CCDC88A: variants seen among roughly 807,000 people sequenced by gnomAD.
CCDC88A encodes the protein girdin.
A neutral mutation model predicts 234.3 loss-of-function variants in CCDC88A; 54 were observed. The ratio of observed to expected loss-of-function variants is 0.23; its 90% CI spans 0.19 to 0.29. The LOEUF is 0.29. Among genes scored for constraint, CCDC88A ranks in the 10% least tolerant of loss-of-function variants. CCDC88A has a pLI of 1.00. For synonymous variants in CCDC88A, 753 were observed against 737.8 expected (o/e 1.02, Z -0.33); for missense variants, 1,832 against 2,123.4 (o/e 0.86, Z 2.70).
At chr2:55,379,871 C>A (rs1476133166) in intron 3 of CCDC88A, among the ~76,000 whole-genome samples, 1 of 151,682 alleles carries the variant, frequency 6.6e-6, no homozygotes, top group African/African-American at 2.4e-5. Flanking sequence ...CAAGATTGTG[C>A]CATCGCACTC....
Position 55,334,330 on chromosome 2 carries a change from T to G in CCDC88A, c.2491A>C (p.Lys831Gln). The G allele has an allele frequency of 2.0e-6, 3 of 1,513,956 alleles. No homozygotes were observed. The highest frequency in any genetic ancestry group is 2.6e-6 in the Non-Finnish European group (3 of 1,138,766). 93.8% of individuals were successfully genotyped at this position (1,513,956 alleles called of 1,614,324 possible). A position where few individuals can be genotyped will look rare whatever the true frequency, so the allele number is the denominator to read the frequency against. The change falls in exon 15 of 33, where the codon AAG becomes CAG. Residue 831 changes from lysine (K) to glutamine (Q), a missense_variant. By Grantham distance (53) the Lys-to-Gln change is moderately conservative. Coordinates refer to ENST00000436346, the MANE Select transcript of CCDC88A (RefSeq NM_001365480.1). The surrounding 1 kb of genome is among the most constrained non-coding windows in gnomAD (Gnocchi z 6.1). Reference sequence around the variant, plus strand: ...TTATTTTCCTTCTCCAATTGTTTCTTATCCTTTTCCAGTTGAGAAGTCTCT... The same window carrying G: ...TTATTTTCCTTCTCCAATTGTTTCTGATCCTTTTCCAGTTGAGAAGTCTCT... The part of the protein sequence containing the change: ...EQETSQLEKD[K>Q]KQLEKENKRL...
chr2:55,315,114 T>G (rs905776735), intron 22 of CCDC88A: 3 of 152,362 alleles, frequency 2.0e-5, no homozygotes, highest in South Asian at 4.1e-4. Context: ...TTGACTGGTT[T>G]ACTGGTCTGT....
chr2:55,298,921 C>T (rs2917775), intron 29 of CCDC88A, among the ~76,000 whole-genome samples: 122,074 of 150,326 alleles, frequency 0.81, 52,148 homozygotes, highest in East Asian at 0.97. Flanking sequence ...CCCTCCAGGC[C>T]GGGCAAGGTG....
chr2:55,376,268 A>C (rs758439109), intron 3 of CCDC88A, among the ~76,000 whole-genome samples: 4 of 152,216 alleles, frequency 2.6e-5, no homozygotes, highest in Non-Finnish European at 5.9e-5. Flanking sequence ...ATATTAAGGA[A>C]TAACTATGAC....
intron 9 of CCDC88A, among the ~76,000 whole-genome samples, chr2:55,347,792 A>G (rs1370822323): frequency 2.0e-5 from 3 of 151,486 alleles, no homozygotes; most frequent in East Asian, 2.0e-4. Context: ...TTGTATTTTC[A>G]GTAGAGACAG....
chr2:55,317,357 G>A lies in CCDC88A; in HGVS notation c.3603-8C>T, dbSNP rs747615363. 2.1e-6 allele frequency: 3 copies of A among 1,453,756 alleles called. No homozygotes were observed. Among genetic ancestry groups the A allele is most frequent in the Admixed American group, 4.7e-5 (2 of 42,186 alleles). 90.1% of individuals were successfully genotyped at this position (1,453,756 alleles called of 1,614,324 possible). ...TTTAATAACTGATTGTAACTGGGGG[G>A]AAAAAAGGCATTTGGTTTATAATAT... On this transcript the variant is annotated splice_polypyrimidine_tract_variant and splice_region_variant and intron_variant, in intron 20 of 32. Coordinates refer to ENST00000436346, the MANE Select transcript of CCDC88A (RefSeq NM_001365480.1). This position sits in a 1 kb window ranked among gnomAD's most constrained non-coding sequence, Gnocchi z 4.2.
rs1679900085 is a variant in CCDC88A at position 55,295,306 on chromosome 2, C to T, written c.5551+291G>A. The stretch of plus-strand genomic sequence containing the variant: ...CTGATAACTGGCCTAGGAGGTAACC[C>T]ACTTATGTTACTAACTAATTCTGTA... On this transcript the variant is annotated intron_variant, in intron 31 of 32. Transcript: ENST00000436346. The T allele has an allele frequency of 3.5e-6, 5 of 1,447,384 alleles. No homozygotes were observed. The East Asian group carries it at 1.3e-4, about 38-fold the overall frequency. 89.7% of individuals were successfully genotyped at this position (1,447,384 alleles called of 1,614,324 possible). A position where few individuals can be genotyped will look rare whatever the true frequency, so the allele number is the denominator to read the frequency against.
intron 2 of CCDC88A, chr2:55,399,782 T>A (rs1678298153): frequency 6.6e-6 from 1 of 152,194 alleles, no homozygotes; most frequent in African/African-American, 2.4e-5. Flanking sequence ...TAGAATTCGA[T>A]GTCAGGAATT....
intron 16 of CCDC88A, chr2:55,331,817 T>A (rs1157494745): frequency 6.6e-6 from 1 of 152,210 alleles, no homozygotes; most frequent in Non-Finnish European, 1.5e-5. Flanking sequence ...TATACCTCAG[T>A]TGCTTTTCTT....
At chr2:55,414,199 T>C (rs187458196) in intron 2 of CCDC88A, among the ~76,000 whole-genome samples, 5 of 152,328 alleles carry the variant, frequency 3.3e-5, no homozygotes, top group Admixed American at 3.3e-4. Flanking sequence ...AAGACATCCA[T>C]ATTTTCAACC....
intron 29 of CCDC88A, among the ~76,000 whole-genome samples, chr2:55,299,619 A>C (rs1452059236): frequency 6.6e-6 from 1 of 152,246 alleles, no homozygotes; most frequent in Non-Finnish European, 1.5e-5. Flanking sequence ...TTATCTATGA[A>C]GATGAAAAAG....
At chr2:55,331,575 T>A (rs974875914) in intron 16 of CCDC88A, among the ~76,000 whole-genome samples, 9 of 152,170 alleles carry the variant, frequency 5.9e-5, no homozygotes, top group Admixed American at 5.2e-4. Flanking sequence ...AAATCTAGTC[T>A]ACATAAAATA....
chr2:55,372,504 C>T lies in CCDC88A; in HGVS notation c.350G>A (p.Gly117Asp). 6.7e-7 allele frequency: 1 copy of T among 1,484,406 alleles called. No homozygotes were observed. The highest frequency in any genetic ancestry group is 9.4e-7 in the Non-Finnish European group (1 of 1,067,776). The allele number at this position is 1,484,406 out of a possible 1,614,324, so 92.0% of individuals were successfully genotyped here. ...AAGCAGTTTTTTAACTTCTTCTGTG[C>T]CTTGTTCTAAAATAGAAACAATTAT... ...IIGKNPFSEQ[G>D]TEEVKKLLLL... is the part of the protein sequence containing the mutation. Residue 117 changes from glycine to aspartate, a missense_variant, in exon 5 of 33, where the codon GGC becomes GAC. By Grantham distance (94) the Gly-to-Asp change is moderately conservative (BLOSUM62 -1). Coordinates refer to ENST00000436346, the MANE Select transcript of CCDC88A (RefSeq NM_001365480.1).
Position 55,317,749 on chromosome 2 carries a change from A to G in CCDC88A, c.3417T>C (p.Asn1139=), listed in dbSNP as rs1183175132. 7 of 1,613,196 alleles carry G rather than the reference A, an allele frequency of 4.3e-6. No individual in the cohort carries two copies. Among genetic ancestry groups the G allele is most frequent in the Non-Finnish European group, 1.7e-6 (2 of 1,179,534 alleles). Residue 1139 remains asparagine (N), a synonymous_variant, in exon 20 of 33, where the codon AAT becomes AAC. Transcript: ENST00000436346. This position sits in a 1 kb window ranked among gnomAD's most constrained non-coding sequence, Gnocchi z 4.2. ...LIQQSSLENE[N]ESVIKEREDL... ...CTTCTCGCTCTTTGATTACAGATTC[A>G]TTTTCATTTTCTAAGGAAGACTGCT...
intron 2 of CCDC88A, among the ~76,000 whole-genome samples, chr2:55,412,897 G>A (rs7572492): frequency 0.26 from 40,189 of 152,006 alleles, 5,515 homozygotes; most frequent in East Asian, 0.43. Context: ...GACACTAACA[G>A]AGATCATACA....
intron 8 of CCDC88A, among the ~76,000 whole-genome samples, chr2:55,354,208 T>C (rs1242353530): frequency 1.3e-5 from 2 of 151,836 alleles, no homozygotes; most frequent in East Asian, 1.9e-4. Flanking sequence ...TGGTGTGATC[T>C]TGACTCACTG....
At position 55,301,957 on chromosome 2, in the gene CCDC88A, A is replaced by G; in HGVS notation, c.4587T>C (p.Ala1529=). The part of the protein sequence containing the change: ...STGKRRKELG[A]MAFSTTAINF... ...TGATGGCTGTAGTAGAGAAGGCCAT[A>G]GCTCCCAATTCTTTTCTCCTTTTAC... Residue 1529 remains alanine (A), a synonymous_variant, in exon 27 of 33, where the codon GCT becomes GCC. Transcript: ENST00000436346. 1 of 1,614,148 alleles carries G rather than the reference A, an allele frequency of 6.2e-7. No homozygotes were observed. The highest frequency in any genetic ancestry group is 8.5e-7 in the Non-Finnish European group (1 of 1,179,978).
intron 2 of CCDC88A, among the ~76,000 whole-genome samples, chr2:55,412,103 T>G (rs879500148): frequency 2.0e-5 from 3 of 152,186 alleles, no homozygotes; most frequent in Non-Finnish European, 2.9e-5. Flanking sequence ...TCTTCACTTA[T>G]TCCTTCAACA....
intron 3 of CCDC88A, 124 bp from the exon 4 acceptor site, chr2:55,375,007 G>A: frequency 1.8e-6 from 1 of 562,962 alleles, no homozygotes; most frequent in East Asian, 2.7e-5. Flanking sequence ...AACAAATATG[G>A]AAAAAGTTAT....
Sources: gnomAD v4.1 joint callset for allele counts (sites outside exome capture counted in the v4.1 genomes callset) on GRCh38, gnomAD v4.1.1 for gene constraint, Gnocchi (gnomAD v3.1) non-coding constraint, MANE v1.5 for transcripts, NCBI Gene and HGNC (gene_info 2026-07-23, HGNC 2026-07-21) for gene names.